CCNG2: variants seen among roughly 807,000 people sequenced by gnomAD.
CCNG2 encodes cyclin G2, also known as cyclin-G2.
CCNG2 carries 20 observed loss-of-function variants against 36.5 expected under a neutral mutation model. The ratio of observed to expected loss-of-function variants is 0.55; its 90% CI spans 0.39 to 0.80. The LOEUF is 0.80. Ranked by LOEUF, CCNG2 falls within the 30% of genes least tolerant of loss-of-function variation. The probability of loss-of-function intolerance (pLI) is 0.00; values close to 1 mark genes in which losing one functional copy is unlikely to be tolerated. For missense variants in CCNG2, 358 were observed against 390.8 expected (o/e 0.92, Z 0.71); for synonymous variants, 155 against 140.1 (o/e 1.11, Z -0.75).
At position 77,167,638 on chromosome 4, in the gene CCNG2, G is replaced by A. The variant is rs1242816849; in HGVS notation, c.*1714G>A. ...CTTGTGGACCTCAAAAGTATCAGGTGGTTTTGCAAGTGGTGGTCCTTTCCC... is the reference window on the plus strand; with the variant it reads ...CTTGTGGACCTCAAAAGTATCAGGTAGTTTTGCAAGTGGTGGTCCTTTCCC... On this transcript the variant is annotated 3_prime_UTR_variant, in exon 8 of 8. Transcript: ENST00000316355. 6.6e-6 allele frequency: 1 copy of A among 152,186 alleles called. No individual in the cohort carries two copies. The highest frequency in any genetic ancestry group is 2.4e-5 in the African/African-American group (1 of 41,444). The allele number at this position is 152,186 out of a possible 1,614,324, so 9.4% of individuals were successfully genotyped here.
chr4:77,161,594 GTT>G (rs1731440013), intron 5 of CCNG2, 36 bp downstream of exon 5: 1 of 1,575,432 alleles, frequency 6.3e-7, no homozygotes, highest in Admixed American at 1.9e-5. Context: ...ATATCTCACA[GTT>G]TGTATTTTGA....
At position 77,168,223 on chromosome 4, in the gene CCNG2, A is replaced by G. The variant is rs1448578706; in HGVS notation, c.*2299A>G. Reference sequence around the variant, plus strand: ...TATGCTCATCTCCTTTTGCCTGTTTATGGAGGTCACCAGCCTCTATCATTT... The same window carrying G: ...TATGCTCATCTCCTTTTGCCTGTTTGTGGAGGTCACCAGCCTCTATCATTT... On this transcript the variant is annotated 3_prime_UTR_variant, in exon 8 of 8. Transcript: ENST00000316355. 6.6e-6 allele frequency: 1 copy of G among 152,156 alleles called. No homozygotes were observed. Among genetic ancestry groups the G allele is most frequent in the African/African-American group, 2.4e-5 (1 of 41,422 alleles). 9.4% of individuals were successfully genotyped at this position (152,156 alleles called of 1,614,324 possible).
At chr4:77,162,506 C>T (rs1731508059) in intron 6 of CCNG2, among the ~76,000 whole-genome samples, 1 of 151,754 alleles carries the variant, frequency 6.6e-6, no homozygotes, top group Non-Finnish European at 1.5e-5. Flanking sequence ...CGTCAACCTC[C>T]CGAGTAGCTG....
At position 77,159,554 on chromosome 4, in the gene CCNG2, C is replaced by A. The variant is rs780886619; in HGVS notation, c.276+50C>A. On this transcript the variant is annotated intron_variant, in intron 3 of 7. Coordinates refer to ENST00000316355, the MANE Select transcript of CCNG2 (RefSeq NM_004354.3). ...GTCTTCCTTTTTCTATGCCCAGTGC[C>A]TAGCACACAGGGTTCAAGAAATATT... 3 of 1,562,294 alleles carry A rather than the reference C, an allele frequency of 1.9e-6. No individual in the cohort carries two copies. The South Asian group carries it at 3.5e-5, about 18-fold the overall frequency.
At chr4:77,161,097 A>ACTTTTTT in intron 4 of CCNG2, 126 bp downstream of exon 4, 1 of 475,142 alleles carries the variant, frequency 2.1e-6, no homozygotes. Context: ...TTATTGGTAA[A>ACTTTTTT]TCTTTTTTTT....
At chr4:77,164,639 A>G (rs1731578879) in intron 7 of CCNG2, 160 bp downstream of exon 7, 1 of 566,804 alleles carries the variant, frequency 1.8e-6, no homozygotes, top group Non-Finnish European at 3.1e-6. Flanking sequence ...ATTAACCAGA[A>G]GTAGTATTTT....
In CCNG2 at chr4:77,167,017, T is replaced by A. The variant is rs1731648993; in HGVS notation, c.*1093T>A. 1 of 152,208 alleles carries A rather than the reference T, an allele frequency of 6.6e-6. No homozygotes were observed. Among genetic ancestry groups the A allele is most frequent in the African/African-American group, 2.4e-5 (1 of 41,456 alleles). The allele number at this position is 152,208 out of a possible 1,614,324, so 9.4% of individuals were successfully genotyped here. A position where few individuals can be genotyped will look rare whatever the true frequency, so the allele number is the denominator to read the frequency against. On this transcript the variant is annotated 3_prime_UTR_variant, in exon 8 of 8. Coordinates refer to ENST00000316355, the MANE Select transcript of CCNG2 (RefSeq NM_004354.3). ...CTTTTAAAATGTACATAAAATACTGTATTTTTTTACCTTGTGTGTGATAGT... is the reference window on the plus strand; with the variant it reads ...CTTTTAAAATGTACATAAAATACTGAATTTTTTTACCTTGTGTGTGATAGT...
chr4:77,161,004 G>A (rs115073339), intron 4 of CCNG2, 33 bp downstream of exon 4: 4 of 1,497,086 alleles, frequency 2.7e-6, no homozygotes, highest in Admixed American at 1.8e-5. Flanking sequence ...TTTGTACTTT[G>A]AACATTGCTA....
chr4:77,162,692 GT>G (rs928797152), intron 6 of CCNG2, among the ~76,000 whole-genome samples: 1 of 151,816 alleles, frequency 6.6e-6, no homozygotes, highest in Non-Finnish European at 1.5e-5. Flanking sequence ...CTTACTTTGG[GT>G]TTTTTTTAAG....
At position 77,159,480 on chromosome 4, in the gene CCNG2, G is replaced by A. The variant is rs2109915727; in HGVS notation, c.252G>A (p.Leu84=). Residue 84 remains leucine (L), a synonymous_variant, in exon 3 of 8, where the codon TTG becomes TTA. Coordinates refer to ENST00000316355, the MANE Select transcript of CCNG2 (RefSeq NM_004354.3). The part of the protein sequence containing the change: ...TETFVLAVNI[L]DRFLALMKVK... ...CTTTTGTCCTGGCTGTCAATATTTT[G>A]GACAGGTTCTTGGCTCTTATGAAGG... is the stretch of plus-strand genomic sequence containing the variant. 2.5e-6 allele frequency: 4 copies of A among 1,613,620 alleles called. No homozygotes were observed. In the African/African-American group the frequency reaches 4.0e-5, roughly 16 times the overall value.
In CCNG2 at chr4:77,160,536, G is replaced by T. The variant is rs931725099; in HGVS notation, c.277-185G>T. ...TTCCCTGCTGCCTTTTTTTTTGGGG[G>T]GGGGGGGAGGTCGAGAACGTCTAAA... On this transcript the variant is annotated intron_variant, in intron 3 of 7. Transcript: ENST00000316355. 2.0e-4 allele frequency among the ~76,000 whole-genome samples: 29 copies of T among 147,936 alleles called. 1 individual carries two copies. The South Asian group carries it at 2.8e-3, about 14-fold the overall frequency.
At chr4:77,165,738 A>G (rs925487820) in intron 7 of CCNG2, 63 bp from the exon 8 acceptor site, 3 of 1,362,946 alleles carry the variant, frequency 2.2e-6, no homozygotes, top group Admixed American at 2.7e-5. Flanking sequence ...TATTTTGGCT[A>G]TAAAACATTT....
chr4:77,159,365 A>T lies in CCNG2; in HGVS notation c.139-2A>T, dbSNP rs1186575563. The T allele has an allele frequency of 6.2e-7, 1 of 1,601,630 alleles. No homozygotes were observed. The highest frequency in any genetic ancestry group is 8.5e-7 in the Non-Finnish European group (1 of 1,174,268). The stretch of plus-strand genomic sequence containing the variant: ...AACCTTGGTTCTTGGTTTTTATTGC[A>T]GAATGATAACACTTTGTGTCCAGGA... On this transcript the variant is annotated splice_acceptor_variant, in intron 2 of 7. Transcript: ENST00000316355. LOFTEE classifies it high-confidence loss of function.
chr4:77,161,039 G>T, intron 4 of CCNG2, 68 bp downstream of exon 4: 2 of 1,147,992 alleles, frequency 1.7e-6, no homozygotes, highest in East Asian at 2.6e-5. Context: ...TAATTGGAAT[G>T]GCAATGAAAT....
rs1307533628 is a variant in CCNG2, at chr4:77,165,787, CTT to C, written c.912-10_912-9del. The stretch of plus-strand genomic sequence containing the variant: ...GTAATGGTATCCTCTTTTTTTGTCT[CTT>C]TTTCTCTTTAGTGAGGACTCTTGTG... On this transcript the variant is annotated splice_polypyrimidine_tract_variant and intron_variant, in intron 7 of 7. Transcript: ENST00000316355. The C allele has an allele frequency of 2.0e-6, 3 of 1,530,256 alleles. No homozygotes were observed. The highest frequency in any genetic ancestry group is 1.4e-5 in the African/African-American group (1 of 70,880). 94.8% of individuals were successfully genotyped at this position (1,530,256 alleles called of 1,614,324 possible). A position where few individuals can be genotyped will look rare whatever the true frequency, so the allele number is the denominator to read the frequency against.
intron 5 of CCNG2, 43 bp from the exon 6 acceptor site, chr4:77,161,606 A>G (rs371982762): frequency 1.3e-6 from 2 of 1,569,964 alleles, no homozygotes; most frequent in Non-Finnish European, 1.7e-6. Flanking sequence ...TTGTATTTTG[A>G]ATTTTTAAAA....
intron 6 of CCNG2, 34 bp from the exon 7 acceptor site, chr4:77,164,240 A>G: frequency 2.6e-6 from 4 of 1,535,172 alleles, no homozygotes; most frequent in Non-Finnish European, 3.6e-6. Flanking sequence ...TTTGGGAGAC[A>G]TTGCCGTAAC....
chr4:77,161,389 A>T (rs1731431812), intron 4 of CCNG2, 91 bp from the exon 5 acceptor site: 4 of 984,796 alleles, frequency 4.1e-6, no homozygotes, highest in Non-Finnish European at 6.0e-6. Flanking sequence ...GGCGTGAGAC[A>T]CCGCGTCTGG....
At chr4:77,163,735 G>C (rs1310357451) in intron 6 of CCNG2, among the ~76,000 whole-genome samples, 1 of 152,192 alleles carries the variant, frequency 6.6e-6, no homozygotes, top group Non-Finnish European at 1.5e-5. Flanking sequence ...AGTGGTGGCG[G>C]AACTATGTCC....
Sources: gnomAD v4.1 joint callset for allele counts (sites outside exome capture counted in the v4.1 genomes callset) on GRCh38, gnomAD v4.1.1 for gene constraint, MANE v1.5 for transcripts, NCBI Gene and HGNC (gene_info 2026-07-23, HGNC 2026-07-21) for gene names.